Variants in NOTCH2NLB observed in about 807,000 individuals in gnomAD.
NOTCH2NLB encodes the protein notch homolog 2 N-terminal-like protein B.
NOTCH2NLB carries 1 observed loss-of-function variant against 14.8 expected under a neutral mutation model. The ratio of observed to expected loss-of-function variants is 0.07; its 90% CI spans 0.02 to 0.32. NOTCH2NLB has a LOEUF of 0.32. Among genes scored for constraint, NOTCH2NLB ranks in the 10% least tolerant of loss-of-function variants. The pLI, the probability that NOTCH2NLB is intolerant of heterozygous loss-of-function variation, is 1.00. For missense variants in NOTCH2NLB, 11 were observed against 155.0 expected (o/e 0.07, Z 4.93); for synonymous variants, 6 against 57.5 (o/e 0.10, Z 4.05).
At chr1:148,691,853 C>T in the NOTCH2NLB span, among the ~76,000 whole-genome samples, 2 of 100,430 alleles carry the variant, frequency 2.0e-5, 1 homozygote, top group South Asian at 8.1e-4. Context: ...GACACCCCCC[C>T]CGCTCTTGCT....
At chr1:148,621,025 A>G (rs1342971303) in intron 2 of NOTCH2NLB, among the ~76,000 whole-genome samples, 4 of 127,272 alleles carry the variant, frequency 3.1e-5, no homozygotes, top group Non-Finnish European at 6.6e-5. Context: ...GCATTTGTTA[A>G]GTGAAATTAC....
intron 1 of NOTCH2NLB, among the ~76,000 whole-genome samples, chr1:148,661,536 A>G (rs1175149380): frequency 1.3e-5 from 2 of 149,850 alleles, no homozygotes; most frequent in Non-Finnish European, 3.0e-5. Context: ...ATAATTTTCT[A>G]TGAAAAAATT....
At chr1:148,661,564 T>C (rs1329965478) in intron 1 of NOTCH2NLB, among the ~76,000 whole-genome samples, 3 of 149,966 alleles carry the variant, frequency 2.0e-5, no homozygotes, top group African/African-American at 7.3e-5. Context: ...TTTTAGATAA[T>C]CTATGTACCT....
intron 1 of NOTCH2NLB, among the ~76,000 whole-genome samples, chr1:148,670,545 T>TATATAC (rs1316356106): frequency 3.3e-3 from 333 of 102,208 alleles, no homozygotes; most frequent in African/African-American, 0.012. Flanking sequence ...AAAAAATATA[T>TATATAC]ATATATACAT....
chr1:148,609,378 GA>G (rs1663612510), intron 3 of NOTCH2NLB, among the ~76,000 whole-genome samples: 1 of 108,742 alleles, frequency 9.2e-6, no homozygotes, highest in East Asian at 2.4e-4. Flanking sequence ...AGTTTGCTGA[GA>G]ATGATGGTTT....
the NOTCH2NLB span, among the ~76,000 whole-genome samples, chr1:148,688,424 G>GGCTCTTAA: frequency 1.4e-5 from 1 of 69,852 alleles, no homozygotes; most frequent in African/African-American, 5.5e-5. Context: ...ACTCTCTCAC[G>GGCTCTTAA]GCTCTTAAGA....
At chr1:148,636,889 G>T (rs1456882774) in intron 2 of NOTCH2NLB, among the ~76,000 whole-genome samples, 1 of 145,044 alleles carries the variant, frequency 6.9e-6, no homozygotes, top group African/African-American at 2.7e-5. Context: ...AAGTTTTGTT[G>T]TTCATCTTGA....
intron 2 of NOTCH2NLB, among the ~76,000 whole-genome samples, chr1:148,636,947 T>A (rs1378998236): frequency 6.9e-6 from 1 of 145,432 alleles, no homozygotes; most frequent in Non-Finnish European, 1.5e-5. Flanking sequence ...TCTCAAGGAG[T>A]TTGTTTCCCT....
At chr1:148,605,369 C>T (rs1422569898), downstream of NOTCH2NLB, among the ~76,000 whole-genome samples, 2 of 143,372 alleles carry the variant, frequency 1.4e-5, 1 homozygote, top group Non-Finnish European at 3.0e-5. Context: ...TCCTGAGTCA[C>T]CAAAAAAATG....
intron 1 of NOTCH2NLB, among the ~76,000 whole-genome samples, chr1:148,661,303 A>T (rs1182188434): frequency 4.0e-5 from 6 of 149,566 alleles, no homozygotes; most frequent in African/African-American, 1.5e-4. Flanking sequence ...ATTATAAAAA[A>T]AGTTTTGAAA....
At chr1:148,638,410 G>T (rs1167119272) in intron 2 of NOTCH2NLB, among the ~76,000 whole-genome samples, 19 of 148,842 alleles carry the variant, frequency 1.3e-4, no homozygotes, top group African/African-American at 4.8e-4. Flanking sequence ...ACTACCACAA[G>T]AGTTGCATAA....
At chr1:148,622,232 T>TAATTAGCCGCTACA (rs1663895600) in intron 2 of NOTCH2NLB, among the ~76,000 whole-genome samples, 1 of 98,660 alleles carries the variant, frequency 1.0e-5, no homozygotes, top group Non-Finnish European at 1.9e-5. Flanking sequence ...TAGCCAGGCG[T>TAATTAGCCGCTACA]GGTGGCGGGC....
chr1:148,649,665 C>T (rs1359096375), intron 1 of NOTCH2NLB, among the ~76,000 whole-genome samples: 2 of 151,804 alleles, frequency 1.3e-5, no homozygotes, highest in African/African-American at 2.4e-5. Flanking sequence ...TGCCCGCCAC[C>T]ACAACCGGCT....
At chr1:148,703,350 G>A in the NOTCH2NLB span, among the ~76,000 whole-genome samples, 2 of 120,662 alleles carry the variant, frequency 1.7e-5, no homozygotes, top group African/African-American at 5.6e-5. Flanking sequence ...ATATGGGCAG[G>A]ACAAATAAAC....
At chr1:148,631,570 A>G (rs1664113618) in intron 2 of NOTCH2NLB, among the ~76,000 whole-genome samples, 1 of 40,768 alleles carries the variant, frequency 2.5e-5, no homozygotes. Context: ...AAACTCAACT[A>G]AAAGAAATAT....
intron 1 of NOTCH2NLB, among the ~76,000 whole-genome samples, chr1:148,670,336 A>G (rs1221380183): frequency 7.0e-6 from 1 of 142,554 alleles, no homozygotes; most frequent in African/African-American, 2.5e-5. Flanking sequence ...TACCAAAAGA[A>G]GTAGAAAAAA....
At chr1:148,637,453 C>T (rs1380875135) in intron 2 of NOTCH2NLB, among the ~76,000 whole-genome samples, 22 of 139,318 alleles carry the variant, frequency 1.6e-4, no homozygotes, top group Non-Finnish European at 3.4e-4. Flanking sequence ...AATATATAGG[C>T]GAACACTTAG....
intron 1 of NOTCH2NLB, among the ~76,000 whole-genome samples, chr1:148,661,712 AGAG>A (rs1664692347): frequency 6.9e-6 from 1 of 145,686 alleles, no homozygotes. Context: ...AGTGGCCTTC[AGAG>A]AAGAAGCTCT....
At position 148,679,669 on chromosome 1, in the gene NOTCH2NLB, C is replaced by T. The variant is rs1471839334; in HGVS notation, c.-205G>A. The T allele has an allele frequency of 7.7e-5, 79 of 1,029,472 alleles. 23 individuals are homozygous for T. Among genetic ancestry groups the T allele is most frequent in the Non-Finnish European group, 9.6e-5 (78 of 816,476 alleles). The allele number at this position is 1,029,472 out of a possible 1,614,324, so 63.8% of individuals were successfully genotyped here. On this transcript the variant is annotated 5_prime_UTR_variant, in exon 1 of 5. Transcript: ENST00000593495. ...GGCCCTGGCGCTACGCTCCGAAGCC[C>T]AGGCGCAAATGCCTCGACTCCCCGC...
Sources: allele counts gnomAD v4.1 joint callset (sites outside exome capture counted in the v4.1 genomes callset), GRCh38; gene constraint gnomAD v4.1.1; transcripts MANE v1.5; gene names NCBI Gene and HGNC (gene_info 2026-07-23, HGNC 2026-07-21).